HEATR4: variants seen among roughly 807,000 people sequenced by gnomAD.
The protein encoded by HEATR4 is HEAT repeat-containing protein 4.
HEATR4 carries 95 observed loss-of-function variants against 108.8 expected under a neutral mutation model. The ratio of observed to expected loss-of-function variants is 0.87; its 90% confidence interval spans 0.74 to 1.04. The LOEUF (loss-of-function observed/expected upper bound fraction) is 1.04. Among genes scored for constraint, HEATR4 ranks in the 50% least tolerant of loss-of-function variants. HEATR4 has a pLI of 0.00. For missense variants in HEATR4, 1,152 were observed against 1,253.8 expected, an observed-to-expected ratio of 0.92 and a Z score of 1.23; for synonymous variants, 443 against 459.4, an observed-to-expected ratio of 0.96 and a Z score of 0.46.
At chr14:73,569,597 T>C in the HEATR4 span, 5 of 1,602,060 alleles carry the variant, frequency 3.1e-6, no homozygotes, top group South Asian at 1.1e-5. Context: ...CCGACACTCT[T>C]GGCGAGCTGG....
At position 73,539,282 on chromosome 14, in the gene HEATR4, A is replaced by C. The variant is rs1474039924; in HGVS notation, c.-151-9038T>G. 2.8e-4 allele frequency: 32 copies of C among 114,976 alleles called. No homozygotes were observed. In the Admixed American group the frequency reaches 3.1e-3, roughly 11 times the overall value. The allele number at this position is 114,976 out of a possible 1,614,324, so 7.1% of individuals were successfully genotyped here. A position where few individuals can be genotyped will look rare whatever the true frequency, so the allele number is the denominator to read the frequency against. On this transcript the variant is annotated intron_variant, in intron 1 of 17. Transcript: ENST00000553558. ...CTCCGTCCTGTTACCATTCCAGGAG[A>C]GCAGCCACCTCCCTGTGCATGGCAG...
rs755408967 is a variant in HEATR4 at position 73,499,107 on chromosome 14, C to T, written c.2320G>A (p.Asp774Asn). ...AAGGCCTTGATTTTCCAGTAAGGAT[C>T]TCTCTGCATCAGGTTCAGGAGGCAT... ...LECLLNLMQRDPYWKIKAFAI... is the reference protein window; with the variant it reads ...LECLLNLMQRNPYWKIKAFAI... Residue 774 changes from aspartate to asparagine, a missense_variant, in exon 13 of 18, where the codon GAT (aspartate) becomes AAT (asparagine). Transcript: ENST00000553558. 3.1e-6 allele frequency: 5 copies of T among 1,614,022 alleles called. No homozygotes were observed. The highest frequency in any genetic ancestry group is 1.3e-5 in the African/African-American group (1 of 74,918).
chr14:73,575,599 T>G, the HEATR4 span: 2 of 1,570,928 alleles, frequency 1.3e-6, no homozygotes, highest in South Asian at 2.4e-5. Flanking sequence ...TATTCATTCT[T>G]TTGTTTTTAA....
chr14:73,534,951 G>A (rs1457448372), intron 1 of HEATR4, among the ~76,000 whole-genome samples: 5 of 111,804 alleles, frequency 4.5e-5, no homozygotes, highest in African/African-American at 1.2e-4. Flanking sequence ...TCAGCTACTG[G>A]GGGAGTGTTT....
intron 17 of HEATR4, among the ~76,000 whole-genome samples, chr14:73,487,138 T>A (rs1482551258): frequency 4.9e-5 from 7 of 142,176 alleles, no homozygotes; most frequent in South Asian, 2.2e-4. Context: ...AAAAAGAATG[T>A]CAATTTCCTT....
chr14:73,527,340 G>A (rs1235812751), intron 2 of HEATR4: 3 of 151,926 alleles, frequency 2.0e-5, no homozygotes, highest in Non-Finnish European at 2.9e-5. Flanking sequence ...AGGAGTGACA[G>A]AGATATGTGA....
At chr14:73,589,602 T>C in the HEATR4 span, among the ~76,000 whole-genome samples, 1 of 152,294 alleles carries the variant, frequency 6.6e-6, no homozygotes, top group African/African-American at 2.4e-5. Context: ...TACAAGTGTG[T>C]GCCCCTGTGC....
In HEATR4 at chr14:73,499,078, G is replaced by A. The variant is rs564488568; in HGVS notation, c.2349C>T (p.Ala783=). ...RDPYWKIKAF[A]IRALGQIGQV... The stretch of plus-strand genomic sequence containing the variant: ...GCACTACTTCTATAATACCTCGAAT[G>A]GCAAAGGCCTTGATTTTCCAGTAAG... Residue 783 remains alanine (A), a synonymous_variant, in exon 13 of 18, where the codon GCC becomes GCT. Transcript: ENST00000553558. 6.2e-7 allele frequency: 1 copy of A among 1,613,950 alleles called. No homozygotes were observed. Among genetic ancestry groups the A allele is most frequent in the South Asian group, 1.1e-5 (1 of 91,084 alleles).
chr14:73,609,458 C>T, the HEATR4 span, among the ~76,000 whole-genome samples: 3 of 152,020 alleles, frequency 2.0e-5, no homozygotes, highest in African/African-American at 7.3e-5. Flanking sequence ...TAGGAACCTG[C>T]CAGGTCGTGG....
chr14:73,480,927 A>C (rs1045029776), intron 17 of HEATR4: 9 of 152,132 alleles, frequency 5.9e-5, no homozygotes, highest in African/African-American at 2.2e-4. Context: ...GAGGCAGAAG[A>C]ATCGATTGAA....
chr14:73,486,780 G>A (rs1240645980), intron 17 of HEATR4, among the ~76,000 whole-genome samples: 1 of 151,976 alleles, frequency 6.6e-6, no homozygotes, highest in South Asian at 2.1e-4. Flanking sequence ...TATAGATGAA[G>A]TGAAAGTGAC....
intron 6 of HEATR4, among the ~76,000 whole-genome samples, chr14:73,512,629 G>T (rs958358575): frequency 6.6e-6 from 1 of 152,146 alleles, no homozygotes; most frequent in Admixed American, 6.5e-5. Flanking sequence ...AAAGTGTTTA[G>T]CAAAATGCCT....
intron 17 of HEATR4, chr14:73,491,592 TG>T: frequency 6.5e-7 from 1 of 1,546,136 alleles, no homozygotes; most frequent in Non-Finnish European, 8.7e-7. Flanking sequence ...TTGGCCGAGC[TG>T]AACCGCATCC....
chr14:73,521,068 G>T (rs771188654), intron 3 of HEATR4, 29 bp from the exon 4 acceptor site: 1 of 1,593,988 alleles, frequency 6.3e-7, no homozygotes, highest in South Asian at 1.1e-5. Context: ...GGAGGGAAAA[G>T]GGGGAAAGAG....
chr14:73,628,266 C>T, the HEATR4 span, among the ~76,000 whole-genome samples: 1 of 152,090 alleles, frequency 6.6e-6, no homozygotes, highest in Non-Finnish European at 1.5e-5. Context: ...AACAAGATTA[C>T]GACCAAATAT....
At chr14:73,625,108 G>A in the HEATR4 span, among the ~76,000 whole-genome samples, 1 of 152,024 alleles carries the variant, frequency 6.6e-6, no homozygotes, top group African/African-American at 2.4e-5. Flanking sequence ...TGCCAGGCTG[G>A]AGTGCAGTGG....
the HEATR4 span, chr14:73,592,438 T>C: frequency 6.7e-7 from 1 of 1,487,078 alleles, no homozygotes; most frequent in Non-Finnish European, 8.9e-7. Context: ...TGCTGGCGGG[T>C]GGTGTGAGCG....
At chr14:73,565,586 C>T in the HEATR4 span, among the ~76,000 whole-genome samples, 1 of 151,922 alleles carries the variant, frequency 6.6e-6, no homozygotes, top group Non-Finnish European at 1.5e-5. Flanking sequence ...TTCTGATGTT[C>T]GGATGTGTTC....
chr14:73,502,248 G>A (rs886591690), intron 11 of HEATR4, among the ~76,000 whole-genome samples: 3 of 151,896 alleles, frequency 2.0e-5, no homozygotes, highest in Admixed American at 2.0e-4. Context: ...CTCTAGCCAC[G>A]CTGAGTATTC....
Sources: allele counts gnomAD v4.1 joint callset (sites outside exome capture counted in the v4.1 genomes callset), GRCh38; gene constraint gnomAD v4.1.1; transcripts MANE v1.5; gene names NCBI Gene and HGNC (gene_info 2026-07-23, HGNC 2026-07-21).